HINT1: variants seen among roughly 807,000 people sequenced by gnomAD.
HINT1 encodes histidine triad nucleotide binding protein 1.
In HINT1, 12 loss-of-function variants were observed where a neutral mutation model predicts 11.2. The observed-to-expected ratio is 1.07, with a 90% CI of 0.69 to 1.74. The LOEUF is 1.74. HINT1 is among the 40% of genes most tolerant of loss of function. HINT1 has a pLI of 0.00. For synonymous variants in HINT1, 42 were observed against 52.6 expected (o/e 0.80, Z 0.87); for missense variants, 150 against 161.8 (o/e 0.93, Z 0.40).
At chr5:131,164,388 G>C (rs1040137024) in intron 1 of HINT1, among the ~76,000 whole-genome samples, 2 of 152,222 alleles carry the variant, frequency 1.3e-5, no homozygotes, top group Non-Finnish European at 2.9e-5. Flanking sequence ...TCAGCTGTTT[G>C]TAAGTCCAAA....
chr5:131,160,286 C>T (rs1459163712), intron 2 of HINT1, among the ~76,000 whole-genome samples: 2 of 152,128 alleles, frequency 1.3e-5, no homozygotes, highest in Non-Finnish European at 2.9e-5. Flanking sequence ...ATTGCATTGT[C>T]GGGACTTGCA....
intron 1 of HINT1, 133 bp downstream of exon 1, chr5:131,164,962 G>T: frequency 7.5e-7 from 1 of 1,335,600 alleles, no homozygotes; most frequent in Non-Finnish European, 1.0e-6. Flanking sequence ...CTGGGGGCCC[G>T]CTGGACCAGG....
At chr5:131,162,419 G>C (rs1755277932) in intron 2 of HINT1, 153 bp downstream of exon 2, 1 of 1,503,310 alleles carries the variant, frequency 6.7e-7, no homozygotes, top group Non-Finnish European at 9.0e-7. Flanking sequence ...CAGTAACTTT[G>C]GAAAACAGCT....
At chr5:131,164,344 A>G (rs1755334718) in intron 1 of HINT1, among the ~76,000 whole-genome samples, 1 of 152,262 alleles carries the variant, frequency 6.6e-6, no homozygotes, top group Admixed American at 6.5e-5. Context: ...CTCTTGGCAT[A>G]AAATTACTTC....
At position 131,165,149 on chromosome 5, in the gene HINT1, A is replaced by G. The variant is rs4696; in HGVS notation, c.57T>C (p.Phe19=). ...GTATTTCCTTGCGGATGATCTTCCC[A>G]AAGATCGTGTCGCCACCAGGCCGAG... ...QVARPGGDTI[F]GKIIRKEIPA... Residue 19 remains phenylalanine, a synonymous_variant, in exon 1 of 3, where the codon TTT becomes TTC. Transcript: ENST00000304043. 0.046 allele frequency: 73,389 copies of G among 1,612,466 alleles called. 5,736 individuals carry two copies. The highest frequency in any genetic ancestry group is 0.35 in the African/African-American group (26,149 of 74,982).
chr5:131,159,111 A>G lies in HINT1; in HGVS notation c.*336T>C, dbSNP rs1755184948. The stretch of plus-strand genomic sequence containing the variant: ...ATTTCGAAGTTAAAGCTAAATTTAT[A>G]AACTCTCATTATTTGTCTTCAAAGA... On this transcript the variant is annotated 3_prime_UTR_variant, in exon 3 of 3. Coordinates refer to ENST00000304043, the MANE Select transcript of HINT1 (RefSeq NM_005340.7). 5.8e-6 allele frequency: 1 copy of G among 172,220 alleles called. No individual in the cohort carries two copies. The highest frequency in any genetic ancestry group is 2.4e-5 in the African/African-American group (1 of 42,306). 10.7% of individuals were successfully genotyped at this position (172,220 alleles called of 1,614,324 possible). A position where few individuals can be genotyped will look rare whatever the true frequency, so the allele number is the denominator to read the frequency against.
rs199563328 is a variant in HINT1 at position 131,159,403 on chromosome 5, C to G, written c.*44G>C. ...ACTTAACATACTGGAAATTGCCTAA[C>G]TTAATCATTGCCTAAAGAAGAGAAA... On this transcript the variant is annotated 3_prime_UTR_variant, in exon 3 of 3. Transcript: ENST00000304043. 1 of 1,581,898 alleles carries G rather than the reference C, an allele frequency of 6.3e-7. No individual in the cohort carries two copies. Among genetic ancestry groups the G allele is most frequent in the Non-Finnish European group, 8.6e-7 (1 of 1,158,768 alleles).
At chr5:131,160,670 A>G in intron 2 of HINT1, 1 of 1,201,174 alleles carries the variant, frequency 8.3e-7, no homozygotes, top group South Asian at 1.5e-5. Flanking sequence ...CTCATGCAGT[A>G]AGGTCCATTG....
chr5:131,161,607 A>G (rs191886502), intron 2 of HINT1, among the ~76,000 whole-genome samples: 5 of 152,238 alleles, frequency 3.3e-5, no homozygotes, highest in Non-Finnish European at 7.4e-5. Flanking sequence ...AAAAAAAAAA[A>G]AAAAGAAAAA....
Position 131,162,663 on chromosome 5 carries a change from T to A in HINT1, c.125A>T (p.His42Leu). 3 of 1,608,288 alleles carry A rather than the reference T, an allele frequency of 1.9e-6. No homozygotes were observed. The highest frequency in any genetic ancestry group is 2.6e-6 in the Non-Finnish European group (3 of 1,175,376). ...TGTTGGTGCTTGAGGGGAAATGTCA[T>A]GGAAAGCAAGGCACTAGGGAAAAGA... ...IFEDDRCLAF[H>L]DISPQAPTHF... Residue 42 changes from histidine to leucine, a missense_variant, in exon 2 of 3, where the codon CAT (histidine) becomes CTT (leucine). By Grantham distance (99) the His-to-Leu change is moderately conservative. Transcript: ENST00000304043.
chr5:131,159,705 ACT>A, intron 2 of HINT1, 94 bp from the exon 3 acceptor site: 1 of 1,194,222 alleles, frequency 8.4e-7, no homozygotes, highest in Non-Finnish European at 1.2e-6. Flanking sequence ...AAATCTTAAA[ACT>A]CTCATTGAAA....
chr5:131,163,950 T>C (rs1290682979), intron 1 of HINT1, among the ~76,000 whole-genome samples: 2 of 152,206 alleles, frequency 1.3e-5, no homozygotes, highest in Non-Finnish European at 2.9e-5. Flanking sequence ...GTGGTTCAAA[T>C]GTAAATTTTT....
At position 131,165,210 on chromosome 5, in the gene HINT1, G is replaced by A; in HGVS notation, c.-5C>T. The A allele has an allele frequency of 6.2e-7, 1 of 1,604,654 alleles. No homozygotes were observed. Among genetic ancestry groups the A allele is most frequent in the Non-Finnish European group, 8.5e-7 (1 of 1,179,730 alleles). ...CTTGGCAATCTCATCTGCCATCTCG[G>A]CCTCTCTCCCGCGCGGCGGCCAGAG... On this transcript the variant is annotated 5_prime_UTR_variant, in exon 1 of 3. Coordinates refer to ENST00000304043, the MANE Select transcript of HINT1 (RefSeq NM_005340.7).
In HINT1 at chr5:131,165,154, T is replaced by G; in HGVS notation, c.52A>C (p.Ile18Leu). 1 of 1,612,272 alleles carries G rather than the reference T, an allele frequency of 6.2e-7. No homozygotes were observed. Among genetic ancestry groups the G allele is most frequent in the South Asian group, 1.1e-5 (1 of 91,082 alleles). ...AQVARPGGDTIFGKIIRKEIP... is the reference protein window; with the variant it reads ...AQVARPGGDTLFGKIIRKEIP... ...TCCTTGCGGATGATCTTCCCAAAGA[T>G]CGTGTCGCCACCAGGCCGAGCGACC... Residue 18 changes from isoleucine to leucine, a missense_variant, in exon 1 of 3, where the codon ATC becomes CTC. By Grantham distance (5) the Ile-to-Leu change is conservative. Transcript: ENST00000304043.
At chr5:131,164,414 G>A (rs995928078) in intron 1 of HINT1, among the ~76,000 whole-genome samples, 2 of 152,224 alleles carry the variant, frequency 1.3e-5, no homozygotes, top group African/African-American at 4.8e-5. Context: ...CAGCGGGAGA[G>A]GTCAACGGAA....
chr5:131,165,028 G>A (rs1427174150), intron 1 of HINT1, 67 bp downstream of exon 1: 1 of 1,604,594 alleles, frequency 6.2e-7, no homozygotes, highest in Admixed American at 1.7e-5. Flanking sequence ...CTCCCTCCGC[G>A]AGAAACCCGA....
chr5:131,160,222 C>G (rs1037117524), intron 2 of HINT1, among the ~76,000 whole-genome samples: 1 of 152,220 alleles, frequency 6.6e-6, no homozygotes, highest in Non-Finnish European at 1.5e-5. Flanking sequence ...ATCTTGCTTT[C>G]TTTATGACTT....
At chr5:131,164,753 C>T (rs1386501484) in intron 1 of HINT1, among the ~76,000 whole-genome samples, 2 of 152,176 alleles carry the variant, frequency 1.3e-5, no homozygotes, top group African/African-American at 4.8e-5. Context: ...ATTCCTGATA[C>T]AGGCAAGGTC....
intron 2 of HINT1, among the ~76,000 whole-genome samples, chr5:131,160,322 C>T (rs3852209): frequency 0.17 from 25,602 of 152,062 alleles, 2,613 homozygotes; most frequent in South Asian, 0.23. Context: ...TACCTAGTCT[C>T]GCTCTGTGTC....
Sources: gnomAD v4.1 joint callset for allele counts (sites outside exome capture counted in the v4.1 genomes callset) on GRCh38, gnomAD v4.1.1 for gene constraint, MANE v1.5 for transcripts, NCBI Gene and HGNC (gene_info 2026-07-23, HGNC 2026-07-21) for gene names.